Variants in NKAIN3 observed in about 807,000 individuals in gnomAD.
NKAIN3 encodes the protein sodium/potassium transporting ATPase interacting 3, also known as sodium/potassium-transporting ATPase subunit beta-1-interacting protein 3.
In NKAIN3, 25 loss-of-function variants were observed where a neutral mutation model predicts 30.2. The ratio of observed to expected loss-of-function variants is 0.83; its 90% confidence interval spans 0.60 to 1.16. NKAIN3 has a LOEUF of 1.16. Among genes scored for constraint, NKAIN3 ranks in the 50% most tolerant of loss-of-function variants. NKAIN3 has a pLI of 0.00. For missense variants in NKAIN3, 225 were observed against 254.1 expected (o/e 0.89, Z 0.78); for synonymous variants, 91 against 89.6 (o/e 1.02, Z -0.09).
intron 4 of NKAIN3, among the ~76,000 whole-genome samples, chr8:62,761,298 T>C (rs1425147188): frequency 1.3e-5 from 2 of 152,138 alleles, no homozygotes; most frequent in African/African-American, 4.8e-5. Flanking sequence ...TTAAATAATG[T>C]TCTGTGTATG....
intron 1 of NKAIN3, among the ~76,000 whole-genome samples, chr8:62,319,585 T>A (rs369444323): frequency 2.6e-4 from 40 of 152,108 alleles, no homozygotes; most frequent in Non-Finnish European, 4.1e-4. Flanking sequence ...TCATTTCGTT[T>A]TGTACCCAGT....
intron 1 of NKAIN3, among the ~76,000 whole-genome samples, chr8:62,504,037 T>C (rs1162041336): frequency 6.6e-6 from 1 of 152,202 alleles, no homozygotes; most frequent in Non-Finnish European, 1.5e-5. Context: ...ATCTTCACAA[T>C]TTATATTCCT....
chr8:62,548,248 T>C (rs1809079181), intron 1 of NKAIN3, among the ~76,000 whole-genome samples: 1 of 152,196 alleles, frequency 6.6e-6, no homozygotes, highest in Non-Finnish European at 1.5e-5. Flanking sequence ...CTTTAATAAA[T>C]GAACTGAAAA....
rs1204900010 is a variant in NKAIN3, at chr8:62,984,048, T to C, written c.*18641T>C. 1 of 152,232 alleles carries C rather than the reference T, an allele frequency of 6.6e-6. No homozygotes were observed. The highest frequency in any genetic ancestry group is 2.4e-5 in the African/African-American group (1 of 41,460). 9.4% of individuals were successfully genotyped at this position (152,232 alleles called of 1,614,324 possible). On this transcript the variant is annotated 3_prime_UTR_variant, in exon 7 of 7. Transcript: ENST00000623646. ...GGGTAACCATGATGTAATTGCAGAT[T>C]GACACATCTTTGGGTTTTTCATTAT...
At chr8:62,371,567 G>A (rs1816908873) in intron 1 of NKAIN3, among the ~76,000 whole-genome samples, 2 of 151,728 alleles carry the variant, frequency 1.3e-5, no homozygotes, top group Admixed American at 1.3e-4. Context: ...TTTATGTTCT[G>A]CAATATAAAT....
At chr8:62,262,336 G>GC (rs1461742276) in intron 1 of NKAIN3, among the ~76,000 whole-genome samples, 2 of 152,118 alleles carry the variant, frequency 1.3e-5, no homozygotes, top group South Asian at 2.1e-4. Context: ...CAAGTATTTT[G>GC]CAGTTTTTGC....
At chr8:62,550,192 A>G (rs1221177898) in intron 1 of NKAIN3, among the ~76,000 whole-genome samples, 2 of 152,102 alleles carry the variant, frequency 1.3e-5, no homozygotes, top group Non-Finnish European at 2.9e-5. Flanking sequence ...ATGGCCTTTA[A>G]AAGGTGTTTA....
intron 1 of NKAIN3, among the ~76,000 whole-genome samples, chr8:62,552,081 G>A (rs1809233759): frequency 6.6e-6 from 1 of 151,994 alleles, no homozygotes; most frequent in Non-Finnish European, 1.5e-5. Flanking sequence ...TCTGTATATT[G>A]CGGTGCAACA....
chr8:62,799,098 G>A (rs1376247280), intron 4 of NKAIN3, among the ~76,000 whole-genome samples: 1 of 152,152 alleles, frequency 6.6e-6, no homozygotes, highest in Admixed American at 6.6e-5. Flanking sequence ...TTAAATTGTT[G>A]TTGGGACTGG....
intron 4 of NKAIN3, among the ~76,000 whole-genome samples, chr8:62,881,258 C>T (rs192259032): frequency 7.2e-5 from 11 of 152,246 alleles, no homozygotes; most frequent in Admixed American, 2.0e-4. Context: ...AGTTTCATTG[C>T]CCTAAAAAAT....
intron 1 of NKAIN3, among the ~76,000 whole-genome samples, chr8:62,346,492 TG>T (rs1816011512): frequency 6.6e-6 from 1 of 152,156 alleles, no homozygotes; most frequent in African/African-American, 2.4e-5. Flanking sequence ...TCCTATTTTT[TG>T]CATTAAAATG....
At position 62,345,504 on chromosome 8, in the gene NKAIN3, C is replaced by T. The variant is rs1351929497; in HGVS notation, c.54+96377C>T. Among the ~76,000 whole-genome samples the T allele has an allele frequency of 2.5e-3, 23 of 9,204 alleles. 3 individuals are homozygous for T. In the East Asian group the frequency reaches 0.06, roughly 24 times the overall value. The allele number at this position is 9,204 out of a possible 152,430, so 6.0% of individuals were successfully genotyped here. On this transcript the variant is annotated intron_variant, in intron 1 of 6. Coordinates refer to ENST00000623646, the MANE Select transcript of NKAIN3 (RefSeq NM_001304533.3). ...ATATGTATATATACACACATATATACACATATATACACATATATGTATATA... is the reference window on the plus strand; with the variant it reads ...ATATGTATATATACACACATATATATACATATATACACATATATGTATATA...
chr8:62,907,696 C>T (rs1189147966), intron 4 of NKAIN3, among the ~76,000 whole-genome samples: 1 of 152,174 alleles, frequency 6.6e-6, no homozygotes, highest in African/African-American at 2.4e-5. Flanking sequence ...GCCTTGGCAG[C>T]ATACACGTGG....
At chr8:62,498,157 A>G (rs185708136) in intron 1 of NKAIN3, among the ~76,000 whole-genome samples, 1,706 of 152,214 alleles carry the variant, frequency 0.011, 21 homozygotes, top group Non-Finnish European at 0.018. Context: ...TATATAATGT[A>G]TCGTAAAATG....
intron 1 of NKAIN3, among the ~76,000 whole-genome samples, chr8:62,275,607 A>G (rs1266378233): frequency 6.6e-6 from 1 of 152,218 alleles, no homozygotes; most frequent in Non-Finnish European, 1.5e-5. Flanking sequence ...AATAAATTTA[A>G]GTGTGTGAAA....
At chr8:62,711,295 G>A (rs993596441) in intron 3 of NKAIN3, among the ~76,000 whole-genome samples, 5 of 152,106 alleles carry the variant, frequency 3.3e-5, no homozygotes, top group African/African-American at 1.2e-4. Flanking sequence ...TAGAAAGGCT[G>A]GGGAGGTTTT....
intron 4 of NKAIN3, among the ~76,000 whole-genome samples, chr8:62,826,691 G>T (rs1819035501): frequency 6.6e-6 from 1 of 152,118 alleles, no homozygotes; most frequent in African/African-American, 2.4e-5. Context: ...CCTGCTGTTT[G>T]GGTAGGGAGA....
At chr8:62,534,038 A>G (rs1808570045) in intron 1 of NKAIN3, among the ~76,000 whole-genome samples, 3 of 152,130 alleles carry the variant, frequency 2.0e-5, no homozygotes, top group Admixed American at 6.5e-5. Flanking sequence ...CTTCGTGAAA[A>G]CAAGGAGGGT....
chr8:62,823,375 A>T (rs761000631), intron 4 of NKAIN3, among the ~76,000 whole-genome samples: 8 of 152,186 alleles, frequency 5.3e-5, no homozygotes, highest in Non-Finnish European at 8.8e-5. Flanking sequence ...TTCTTCCTTG[A>T]TATCATAATG....
Sources: allele counts gnomAD v4.1 joint callset (sites outside exome capture counted in the v4.1 genomes callset), GRCh38; gene constraint gnomAD v4.1.1; transcripts MANE v1.5; gene names NCBI Gene and HGNC (gene_info 2026-07-23, HGNC 2026-07-21).